Variants in CDH15 observed in about 807,000 individuals in gnomAD.
CDH15 encodes the protein cadherin-15.
A neutral mutation model predicts 69.4 loss-of-function variants in CDH15; 73 were observed. The ratio of observed to expected loss-of-function variants is 1.05; its 90% CI spans 0.87 to 1.28. The LOEUF (loss-of-function observed/expected upper bound fraction) is 1.28, where lower values mean the gene tolerates loss of function less well. CDH15 is among the 50% of genes most tolerant of loss of function. The probability of loss-of-function intolerance (pLI) is 0.00; values close to 1 mark genes in which losing one functional copy is unlikely to be tolerated. For synonymous variants in CDH15, 624 were observed against 507.7 expected, an observed-to-expected ratio of 1.23 and a Z score of -3.08; for missense variants, 1,343 against 1,133.6, an observed-to-expected ratio of 1.18 and a Z score of -2.65.
rs559160724 is a variant in CDH15, at chr16:89,174,665, G to A, written c.42+2792G>A. Among the ~76,000 whole-genome samples, 6 of 152,282 alleles carry A rather than the reference G, an allele frequency of 3.9e-5. No homozygotes were observed. The South Asian group carries it at 1.0e-3, about 26-fold the overall frequency. Reference sequence around the variant, plus strand: ...TGGCCCCAGACGTCTCAAGGGCTTCGAGGTGGTTCCCTCCAGGCTCTTGGC... The same window carrying A: ...TGGCCCCAGACGTCTCAAGGGCTTCAAGGTGGTTCCCTCCAGGCTCTTGGC... On this transcript the variant is annotated intron_variant, in intron 1 of 13. Coordinates refer to ENST00000289746, the MANE Select transcript of CDH15 (RefSeq NM_004933.3).
At chr16:89,190,967 C>T (rs1555593448) in intron 8 of CDH15, among the ~76,000 whole-genome samples, 1 of 151,310 alleles carries the variant, frequency 6.6e-6, no homozygotes, top group Non-Finnish European at 1.5e-5. Flanking sequence ...ACTGCAGCTC[C>T]CATCATATTC....
chr16:89,185,653 G>C, intron 5 of CDH15: 1 of 437,732 alleles, frequency 2.3e-6, no homozygotes, highest in African/African-American at 2.0e-5. Context: ...AACTCCTTCT[G>C]TCAGGGCCCC....
rs748384080 is a variant in CDH15, at chr16:89,185,221, C to T, written c.551C>T (p.Thr184Met). Residue 184 changes from threonine to methionine, a missense_variant, in exon 5 of 14, where the codon ACG becomes ATG. By Grantham distance (81) the Thr-to-Met change is moderately conservative. Transcript: ENST00000289746. ...GCCACAGATGCCGACGACCCCGAGA[C>T]GGACAACGCAGCGCTGCGGTTCTCC... ...AEATDADDPE[T>M]DNAALRFSIL... is the part of the protein sequence containing the mutation. 3.7e-6 allele frequency: 6 copies of T among 1,606,094 alleles called. No individual in the cohort carries two copies. The African/African-American group carries it at 4.0e-5, about 11-fold the overall frequency.
At position 89,185,154 on chromosome 16, in the gene CDH15, G is replaced by T; in HGVS notation, c.503-19G>T. The T allele has an allele frequency of 1.3e-6, 2 of 1,579,530 alleles. No homozygotes were observed. ...CGGCCCTGTGGACGTTGGCCCTCAC[G>T]CCTCCCTGTGCTTCCCAGGCACCTA... On this transcript the variant is annotated intron_variant, in intron 4 of 13. Transcript: ENST00000289746.
In CDH15 at chr16:89,183,712, C is replaced by G. The variant is rs1380768580; in HGVS notation, c.502+20C>G. The G allele has an allele frequency of 2.5e-6, 4 of 1,579,422 alleles. No individual in the cohort carries two copies. Among genetic ancestry groups the G allele is most frequent in the Non-Finnish European group, 1.7e-6 (2 of 1,162,624 alleles). On this transcript the variant is annotated intron_variant, in intron 4 of 13. Transcript: ENST00000289746. ...TCCCAGGTGAGACAGGACCACAGCCCCGGGCCGGGAGGGGCTGCAAGGAAG... is the reference window on the plus strand; with the variant it reads ...TCCCAGGTGAGACAGGACCACAGCCGCGGGCCGGGAGGGGCTGCAAGGAAG...
At chr16:89,194,753 C>T (rs1320815383) in intron 13 of CDH15, 109 bp from the exon 14 acceptor site, 5 of 1,133,862 alleles carry the variant, frequency 4.4e-6, no homozygotes, top group East Asian at 2.6e-5. Context: ...GGGCAGCTTC[C>T]CCTTCCTGAG....
chr16:89,191,590 C>T (rs1312142403), intron 9 of CDH15, 65 bp from the exon 10 acceptor site: 2 of 1,572,266 alleles, frequency 1.3e-6, no homozygotes, highest in South Asian at 2.3e-5. Flanking sequence ...CGCACCCGCT[C>T]TGAGCCGACT....
Position 89,183,636 on chromosome 16 carries a change from G to T in CDH15, c.446G>T (p.Arg149Leu), listed in dbSNP as rs141102499. The T allele has an allele frequency of 1.2e-6, 2 of 1,613,762 alleles. No homozygotes were observed. Among genetic ancestry groups the T allele is most frequent in the East Asian group, 2.2e-5 (1 of 44,886 alleles). ...EIVVVDQNDNRPAFLQEAFTG... is the reference protein window; with the variant it reads ...EIVVVDQNDNLPAFLQEAFTG... ...GTAGTTGTGGATCAGAATGACAACC[G>T]GCCAGCCTTCCTGCAGGAGGCGTTC... The change falls in exon 4 of 14, where the codon CGG becomes CTG. Residue 149 changes from arginine (R) to leucine (L), a missense_variant. Physicochemically the swap from Arg to Leu is moderately radical, Grantham distance 102. Coordinates refer to ENST00000289746, the MANE Select transcript of CDH15 (RefSeq NM_004933.3).
In CDH15 at chr16:89,187,492, A is replaced by G. The variant is rs766646495; in HGVS notation, c.727A>G (p.Thr243Ala). Reference sequence around the variant, plus strand: ...CATGTCTGGAGACGGCCTCACAGCCACTGCCTCAGCCATCATCACCCTTGA... The same window carrying G: ...CATGTCTGGAGACGGCCTCACAGCCGCTGCCTCAGCCATCATCACCCTTGA... ...ADMSGDGLTATASAIITLDDI... is the reference protein window; with the variant it reads ...ADMSGDGLTAAASAIITLDDI... Residue 243 changes from threonine to alanine, a missense_variant, in exon 6 of 14, where the codon ACT becomes GCT. By Grantham distance (58) the Thr-to-Ala change is moderately conservative (BLOSUM62 0). Coordinates refer to ENST00000289746, the MANE Select transcript of CDH15 (RefSeq NM_004933.3). 6 of 1,613,698 alleles carry G rather than the reference A, an allele frequency of 3.7e-6. No homozygotes were observed. The highest frequency in any genetic ancestry group is 2.2e-5 in the South Asian group (2 of 91,088).
Position 89,188,165 on chromosome 16 carries a change from G to A in CDH15, c.858G>A (p.Arg286=), listed in dbSNP as rs370524331. Residue 286 remains arginine (R), a synonymous_variant, in exon 7 of 14, where the codon AGG becomes AGA. Transcript: ENST00000289746. ...TGGGACGCCTGGAAGTGGAGGACAG[G>A]GACCTGCCAGGCTCCCCAAACTGGG... The part of the protein sequence containing the change: ...VDVGRLEVED[R]DLPGSPNWVA... The A allele has an allele frequency of 6.2e-6, 10 of 1,613,272 alleles. No individual in the cohort carries two copies. Among genetic ancestry groups the A allele is most frequent in the Non-Finnish European group, 8.5e-6 (10 of 1,179,874 alleles).
At chr16:89,191,942 A>AC in intron 10 of CDH15, 48 bp downstream of exon 10, 1 of 1,408,768 alleles carries the variant, frequency 7.1e-7, no homozygotes, top group Non-Finnish European at 9.6e-7. Context: ...CGCTCCCCCC[A>AC]CCCCCACATT....
At chr16:89,180,593 T>A (rs1432046449) in intron 3 of CDH15, among the ~76,000 whole-genome samples, 1 of 152,226 alleles carries the variant, frequency 6.6e-6, no homozygotes, top group African/African-American at 2.4e-5. Context: ...AGAGGTCCCG[T>A]GGAGGAGCGG....
intron 10 of CDH15, 138 bp downstream of exon 10, chr16:89,192,032 C>CA (rs1915659526): frequency 2.6e-6 from 3 of 1,155,732 alleles, no homozygotes; most frequent in East Asian, 5.1e-5. Flanking sequence ...CCACCCCCCC[C>CA]ACCACTGCAT....
At chr16:89,182,060 C>G (rs1173750137) in intron 3 of CDH15, among the ~76,000 whole-genome samples, 2 of 150,850 alleles carry the variant, frequency 1.3e-5, no homozygotes, top group African/African-American at 2.4e-5. Context: ...AGAACCCCGT[C>G]TGCACTCCCT....
rs1212871738 is a variant in CDH15, at chr16:89,185,353, G to A, written c.663+20G>A. 6.3e-7 allele frequency: 1 copy of A among 1,583,978 alleles called. No individual in the cohort carries two copies. The highest frequency in any genetic ancestry group is 1.1e-5 in the South Asian group (1 of 87,402). ...CGCGAGGTGAGGTGGCGCCCCGGCA[G>A]CTCCACACCCGCACGGCCAGGGCAG... On this transcript the variant is annotated intron_variant, in intron 5 of 13. Coordinates refer to ENST00000289746, the MANE Select transcript of CDH15 (RefSeq NM_004933.3).
At position 89,188,161 on chromosome 16, in the gene CDH15, A is replaced by C; in HGVS notation, c.854A>C (p.Asp285Ala). The C allele has an allele frequency of 6.2e-7, 1 of 1,613,416 alleles. No individual in the cohort carries two copies. The highest frequency in any genetic ancestry group is 8.5e-7 in the Non-Finnish European group (1 of 1,179,868). Residue 285 changes from aspartate (D) to alanine (A), a missense_variant, in exon 7 of 14, where the codon GAC becomes GCC. Physicochemically the swap from Asp to Ala is moderately radical, Grantham distance 126. Transcript: ENST00000289746. ...GATGTGGGACGCCTGGAAGTGGAGG[A>C]CAGGGACCTGCCAGGCTCCCCAAAC... is the stretch of plus-strand genomic sequence containing the variant. Reference protein sequence around the residue: ...GVDVGRLEVEDRDLPGSPNWV... With the variant: ...GVDVGRLEVEARDLPGSPNWV...
chr16:89,177,311 C>T (rs1915278561), intron 1 of CDH15, among the ~76,000 whole-genome samples: 1 of 152,130 alleles, frequency 6.6e-6, no homozygotes, highest in Non-Finnish European at 1.5e-5. Flanking sequence ...GTGCTGGCCA[C>T]ACATGGGGCC....
At chr16:89,179,847 C>G (rs969139496) in intron 2 of CDH15, among the ~76,000 whole-genome samples, 2 of 152,246 alleles carry the variant, frequency 1.3e-5, no homozygotes, top group African/African-American at 4.8e-5. Context: ...AGGCTGCACG[C>G]TCGGGCGTGA....
In CDH15 at chr16:89,191,860, G is replaced by T; in HGVS notation, c.1581G>T (p.Glu527Asp). The T allele has an allele frequency of 1.3e-6, 2 of 1,596,436 alleles. No homozygotes were observed. Among genetic ancestry groups the T allele is most frequent in the Non-Finnish European group, 1.7e-6 (2 of 1,176,668 alleles). Residue 527 changes from glutamate to aspartate, a missense_variant, in exon 10 of 14, where the codon GAG becomes GAT. Physicochemically the swap from Glu to Asp is conservative, Grantham distance 45. Coordinates refer to ENST00000289746, the MANE Select transcript of CDH15 (RefSeq NM_004933.3). ...TCCAGCTGAGCCCCAGGCTCCCAGA[G>T]CTCGGCCGGAACTGGAGCCTCAGCC... is the stretch of plus-strand genomic sequence containing the variant. ...FHFQLSPRLP[E>D]LGRNWSLSQV...
Sources: allele counts gnomAD v4.1 joint callset (sites outside exome capture counted in the v4.1 genomes callset), GRCh38; gene constraint gnomAD v4.1.1; transcripts MANE v1.5; gene names NCBI Gene and HGNC (gene_info 2026-07-23, HGNC 2026-07-21).